Variants in RBFOX1 observed in about 807,000 individuals in gnomAD.
RBFOX1 encodes the protein RNA binding protein fox-1 homolog 1.
In RBFOX1, 8 loss-of-function variants were observed where a neutral mutation model predicts 57.7. The observed-to-expected ratio is 0.14, with a 90% CI of 0.08 to 0.25. RBFOX1 has a LOEUF of 0.25. RBFOX1 is among the 10% of genes least tolerant of loss of function. The pLI, the probability that RBFOX1 is intolerant of heterozygous loss-of-function variation, is 1.00. For missense variants in RBFOX1, 611 were observed against 548.5 expected, an observed-to-expected ratio of 1.11 and a Z score of -1.14; for synonymous variants, 326 against 222.4, an observed-to-expected ratio of 1.47 and a Z score of -4.15.
At chr16:6,393,289 G>A (rs1055920563) in intron 2 of RBFOX1, among the ~76,000 whole-genome samples, 1 of 152,190 alleles carries the variant, frequency 6.6e-6, no homozygotes, top group Non-Finnish European at 1.5e-5. Context: ...TCACAACTAT[G>A]AGTATAGGGA....
At chr16:5,942,832 A>G (rs2059309119) in intron 4 of RBFOX1, among the ~76,000 whole-genome samples, 1 of 152,176 alleles carries the variant, frequency 6.6e-6, no homozygotes, top group South Asian at 2.1e-4. Flanking sequence ...TTTCAAGCTG[A>G]GGGCCCAGGA....
At chr16:5,595,713 C>G (rs1257215435) in intron 2 of RBFOX1, among the ~76,000 whole-genome samples, 1 of 152,168 alleles carries the variant, frequency 6.6e-6, no homozygotes, top group Non-Finnish European at 1.5e-5. Flanking sequence ...CATCTCTTGG[C>G]TCTGTTTCCC....
intron 4 of RBFOX1, among the ~76,000 whole-genome samples, chr16:7,385,463 T>A (rs1018845004): frequency 1.3e-5 from 2 of 152,138 alleles, no homozygotes; most frequent in African/African-American, 4.8e-5. Flanking sequence ...AGGTCGGGGC[T>A]TGGGTGAATG....
chr16:6,850,475 G>T (rs946193803), intron 3 of RBFOX1, among the ~76,000 whole-genome samples: 1 of 152,066 alleles, frequency 6.6e-6, no homozygotes, highest in Non-Finnish European at 1.5e-5. Context: ...CTTATCAGGA[G>T]ACTGATTGCC....
intron 3 of RBFOX1, among the ~76,000 whole-genome samples, chr16:6,946,992 C>T (rs1466006637): frequency 1.3e-5 from 2 of 152,160 alleles, no homozygotes; most frequent in African/African-American, 4.8e-5. Context: ...GACCAGTTTC[C>T]TAGCCCTGTT....
At chr16:6,982,993 TAA>T (rs370173635) in intron 3 of RBFOX1, among the ~76,000 whole-genome samples, 1 of 79,354 alleles carries the variant, frequency 1.3e-5, no homozygotes, top group Admixed American at 1.8e-4. Flanking sequence ...AGACTCTGTC[TAA>T]AAAAAAAAAA....
At chr16:5,338,146 C>A (rs914044745) in intron 1 of RBFOX1, among the ~76,000 whole-genome samples, 1 of 150,248 alleles carries the variant, frequency 6.7e-6, no homozygotes, top group Non-Finnish European at 1.5e-5. Context: ...GTGGTTGTTA[C>A]TGAGCCTTAT....
chr16:5,349,029 C>A (rs1218090951), intron 1 of RBFOX1, among the ~76,000 whole-genome samples: 2 of 152,114 alleles, frequency 1.3e-5, no homozygotes, highest in African/African-American at 4.8e-5. Context: ...TTTTACAATC[C>A]CATCCAAAAT....
At chr16:5,990,231 TC>T (rs1262063635) in intron 4 of RBFOX1, among the ~76,000 whole-genome samples, 1 of 152,074 alleles carries the variant, frequency 6.6e-6, no homozygotes, top group Non-Finnish European at 1.5e-5. Context: ...CTTCAAGTGA[TC>T]CTCCCACTTT....
At chr16:6,657,037 C>A (rs1227227974) in intron 3 of RBFOX1, among the ~76,000 whole-genome samples, 15 of 109,310 alleles carry the variant, frequency 1.4e-4, no homozygotes, top group African/African-American at 5.7e-4. Context: ...CCTGTCCTCC[C>A]CTTTCCTCTC....
intron 4 of RBFOX1, among the ~76,000 whole-genome samples, chr16:5,877,721 T>G (rs2057651139): frequency 6.6e-6 from 1 of 152,256 alleles, no homozygotes; most frequent in South Asian, 2.1e-4. Context: ...GAGGCAGTTG[T>G]GCAGTCATAT....
chr16:6,971,259 C>T (rs1170013250), intron 3 of RBFOX1, among the ~76,000 whole-genome samples: 1 of 152,120 alleles, frequency 6.6e-6, no homozygotes, highest in Non-Finnish European at 1.5e-5. Flanking sequence ...TGGGATTCTT[C>T]TGGAACACCT....
chr16:6,917,269 C>G (rs1045482512), intron 3 of RBFOX1, among the ~76,000 whole-genome samples: 1 of 152,188 alleles, frequency 6.6e-6, no homozygotes, highest in Non-Finnish European at 1.5e-5. Flanking sequence ...GTCCCAGCTA[C>G]TGTTAGGGAC....
intron 14 of RBFOX1, among the ~76,000 whole-genome samples, chr16:7,689,627 G>A (rs2076896069): frequency 6.6e-6 from 1 of 152,052 alleles, no homozygotes; most frequent in Non-Finnish European, 1.5e-5. Flanking sequence ...CAGGGAAGTT[G>A]GAGAAATTTT....
At chr16:5,476,667 T>G (rs1186315655) in intron 2 of RBFOX1, among the ~76,000 whole-genome samples, 6 of 152,264 alleles carry the variant, frequency 3.9e-5, no homozygotes, top group Non-Finnish European at 2.9e-5. Context: ...ACAAGATACA[T>G]GTTTAATATG....
At chr16:6,759,930 C>G (rs2076365701) in intron 3 of RBFOX1, among the ~76,000 whole-genome samples, 1 of 152,110 alleles carries the variant, frequency 6.6e-6, no homozygotes, top group African/African-American at 2.4e-5. Flanking sequence ...GTTTATTAAT[C>G]ATTTATCAAA....
chr16:6,193,404 A>ACTG (rs58734338), intron 1 of RBFOX1, among the ~76,000 whole-genome samples: 1 of 90,326 alleles, frequency 1.1e-5, no homozygotes, highest in Non-Finnish European at 2.4e-5. Context: ...ATATATATAT[A>ACTG]TATATATATA....
chr16:5,256,055 A>G (rs1479687292), intron 1 of RBFOX1, among the ~76,000 whole-genome samples: 1 of 152,146 alleles, frequency 6.6e-6, no homozygotes, highest in Non-Finnish European at 1.5e-5. Context: ...TGCTGCAGAT[A>G]ACGTGGAGAA....
intron 4 of RBFOX1, among the ~76,000 whole-genome samples, chr16:7,055,307 T>C (rs2051764057): frequency 6.6e-6 from 1 of 152,174 alleles, no homozygotes; most frequent in Admixed American, 6.5e-5. Context: ...GTTAAGATGC[T>C]ATTATCTGTG....
Sources: gnomAD v4.1 joint callset for allele counts (sites outside exome capture counted in the v4.1 genomes callset) on GRCh38, gnomAD v4.1.1 for gene constraint, MANE v1.5 for transcripts, NCBI Gene and HGNC (gene_info 2026-07-23, HGNC 2026-07-21) for gene names.